Variants in EYS observed in about 807,000 individuals in gnomAD.
EYS encodes EGF-like photoreceptor maintenance factor, also known as protein eyes shut homolog.
In EYS, 250 loss-of-function variants were observed where a neutral mutation model predicts 282.1. That is an observed-to-expected ratio of 0.89 (90% confidence interval 0.80 to 0.98). The LOEUF is 0.98. EYS is among the 50% of genes least tolerant of loss of function. EYS has a pLI of 0.00. For missense variants in EYS, 4,016 were observed against 3,709.0 expected (o/e 1.08, Z -2.15); for synonymous variants, 1,355 against 1,282.9 (o/e 1.06, Z -1.20).
In EYS at chr6:63,999,162, G is replaced by A; in HGVS notation, c.6747C>T (p.Ser2249=). Residue 2249 remains serine, a synonymous_variant, in exon 34 of 43, where the codon AGC becomes AGT. Transcript: ENST00000503581. ...ITIRYTTPVG[S]PGVVCMIEMT... ...TTTCAATCATACAAACAACTCCAGG[G>A]CTGCCAACAGGCGTTGTGTAGCTAA... The A allele has an allele frequency of 6.4e-7, 1 of 1,551,394 alleles. No homozygotes were observed. Among genetic ancestry groups the A allele is most frequent in the African/African-American group, 1.4e-5 (1 of 73,148 alleles).
chr6:65,670,325 G>C (rs955194189), intron 1 of EYS, among the ~76,000 whole-genome samples: 2 of 152,004 alleles, frequency 1.3e-5, no homozygotes, highest in African/African-American at 4.8e-5. Context: ...GGACCTTTTG[G>C]TTTCCCTTAT....
chr6:63,745,885 T>A (rs1488671629), intron 41 of EYS, among the ~76,000 whole-genome samples: 1 of 152,146 alleles, frequency 6.6e-6, no homozygotes, highest in Non-Finnish European at 1.5e-5. Context: ...AGAATTAGTA[T>A]CCTTATAAGA....
At chr6:65,015,674 C>A (rs1772021874) in intron 13 of EYS, among the ~76,000 whole-genome samples, 1 of 151,806 alleles carries the variant, frequency 6.6e-6, no homozygotes, top group African/African-American at 2.4e-5. Context: ...AAATTAAAAA[C>A]CTGTTTTTTA....
At chr6:64,586,830 C>T (rs966558584) in intron 26 of EYS, among the ~76,000 whole-genome samples, 5 of 152,008 alleles carry the variant, frequency 3.3e-5, no homozygotes, top group African/African-American at 9.7e-5. Flanking sequence ...CTATCCATTG[C>T]TATTTGAGAA....
chr6:64,674,689 C>T (rs1027564676), intron 22 of EYS, among the ~76,000 whole-genome samples: 20 of 151,430 alleles, frequency 1.3e-4, no homozygotes, highest in African/African-American at 4.8e-4. Flanking sequence ...TAAAACTATA[C>T]TTTTCTTTTA....
chr6:64,902,639 A>C, intron 16 of EYS, 139 bp from the exon 17 acceptor site: 4 of 541,312 alleles, frequency 7.4e-6, no homozygotes, highest in Non-Finnish European at 9.5e-6. Context: ...CAAGCTTCTC[A>C]TAAAACTCCA....
At position 64,112,738 on chromosome 6, in the gene EYS, A is replaced by G. The variant is rs148748510; in HGVS notation, c.6425-30736T>C. On this transcript the variant is annotated intron_variant, in intron 31 of 42. Transcript: ENST00000503581. Reference sequence around the variant, plus strand: ...TAAAAATTTACTTAATTTTTATTATATATATCTTCTATATATCTAGAATAG... The same window carrying G: ...TAAAAATTTACTTAATTTTTATTATGTATATCTTCTATATATCTAGAATAG... Among the ~76,000 whole-genome samples, 1,324 of 149,028 alleles carry G rather than the reference A, an allele frequency of 8.9e-3. 31 individuals carry two copies. Among genetic ancestry groups the G allele is most frequent in the African/African-American group, 0.03 (1,231 of 40,962 alleles).
chr6:65,527,022 A>T (rs973164615), intron 2 of EYS, among the ~76,000 whole-genome samples: 4 of 152,156 alleles, frequency 2.6e-5, no homozygotes, highest in African/African-American at 9.7e-5. Flanking sequence ...TTCTGGAGAA[A>T]GGTTAAGCAA....
chr6:63,802,476 A>C (rs534419785), intron 37 of EYS, among the ~76,000 whole-genome samples: 123 of 152,144 alleles, frequency 8.1e-4, no homozygotes, highest in Middle Eastern at 6.8e-3. Flanking sequence ...AAAAAAAAAA[A>C]CAAATATTAG....
rs536707674 is a variant in EYS, at chr6:63,905,486, CG to C, written c.7056-41129del. On this transcript the variant is annotated intron_variant, in intron 35 of 42. Coordinates refer to ENST00000503581, the MANE Select transcript of EYS (RefSeq NM_001142800.2). ...CTGGGATTACAGGCGCCCGCCACCACGCCCGGCTAATTTTTTGTATTTTTTA... is the reference window on the plus strand; with the variant it reads ...CTGGGATTACAGGCGCCCGCCACCACCCCGGCTAATTTTTTGTATTTTTTA... Among the ~76,000 whole-genome samples, 14 of 151,956 alleles carry C rather than the reference CG, an allele frequency of 9.2e-5. No homozygotes were observed. In the South Asian group the frequency reaches 2.7e-3, roughly 29 times the overall value.
chr6:65,655,530 C>G (rs1209856235), intron 1 of EYS, among the ~76,000 whole-genome samples: 3 of 151,628 alleles, frequency 2.0e-5, no homozygotes, highest in Non-Finnish European at 4.4e-5. Context: ...AATAGATAAA[C>G]CATATCTAGC....
At chr6:64,857,912 A>G (rs1243676101) in intron 19 of EYS, among the ~76,000 whole-genome samples, 1 of 152,146 alleles carries the variant, frequency 6.6e-6, no homozygotes, top group Non-Finnish European at 1.5e-5. Context: ...TTCTTTTGAA[A>G]AATGTCTGAT....
chr6:65,310,161 T>C (rs527355772), intron 11 of EYS, among the ~76,000 whole-genome samples: 30 of 152,168 alleles, frequency 2.0e-4, no homozygotes, highest in Admixed American at 1.0e-3. Flanking sequence ...CTGGCCAACA[T>C]GGTGAAACCT....
At chr6:64,641,075 A>G (rs768715122) in intron 22 of EYS, among the ~76,000 whole-genome samples, 1 of 152,210 alleles carries the variant, frequency 6.6e-6, no homozygotes, top group African/African-American at 2.4e-5. Context: ...ACTACTTGGT[A>G]TTAGTCCATT....
At chr6:64,258,462 T>A (rs892976089) in intron 30 of EYS, among the ~76,000 whole-genome samples, 2 of 152,018 alleles carry the variant, frequency 1.3e-5, no homozygotes, top group African/African-American at 4.8e-5. Context: ...TGCTATAGCA[T>A]GTTAGCTCAG....
chr6:64,950,767 T>A (rs1769459874), intron 14 of EYS, among the ~76,000 whole-genome samples: 1 of 107,576 alleles, frequency 9.3e-6, no homozygotes, highest in Admixed American at 1.0e-4. Context: ...ATGTAGAAAC[T>A]GAATAAAAAA....
intron 39 of EYS, among the ~76,000 whole-genome samples, chr6:63,781,450 G>T (rs1770223707): frequency 6.6e-6 from 1 of 152,110 alleles, no homozygotes; most frequent in African/African-American, 2.4e-5. Context: ...AGTTCTCCTT[G>T]AAGAGGTCCT....
rs1266912620 is a variant in EYS at position 64,815,849 on chromosome 6, G to GA, written c.3244-2273dup. ...TATGCCAGGAAATGTACAGGAGCAT[G>GA]AAAGGAACAGGGCAGTGATATATTC... On this transcript the variant is annotated intron_variant, in intron 21 of 42. Transcript: ENST00000503581. 9.2e-5 allele frequency among the ~76,000 whole-genome samples: 14 copies of GA among 152,152 alleles called. 1 individual carries two copies. In the South Asian group the frequency reaches 2.9e-3, roughly 32 times the overall value.
intron 22 of EYS, among the ~76,000 whole-genome samples, chr6:64,697,140 C>T (rs970758998): frequency 2.0e-5 from 3 of 151,980 alleles, no homozygotes; most frequent in Admixed American, 6.6e-5. Context: ...AAACATGAAT[C>T]AACTACATGC....
Sources: allele counts gnomAD v4.1 joint callset (sites outside exome capture counted in the v4.1 genomes callset), GRCh38; gene constraint gnomAD v4.1.1; transcripts MANE v1.5; gene names NCBI Gene and HGNC (gene_info 2026-07-23, HGNC 2026-07-21).